Variants in ITIH2 observed in about 807,000 individuals in gnomAD.
ITIH2 encodes the protein inter-alpha-trypsin inhibitor heavy chain 2, also known as inter-alpha-trypsin inhibitor heavy chain H2.
A neutral mutation model predicts 104.4 loss-of-function variants in ITIH2; 103 were observed. That is an observed-to-expected ratio of 0.99 (90% CI 0.84 to 1.16). The LOEUF (loss-of-function observed/expected upper bound fraction) is 1.16, where lower values mean the gene tolerates loss of function less well. Among genes scored for constraint, ITIH2 ranks in the 50% most tolerant of loss-of-function variants. The probability of loss-of-function intolerance (pLI) is 0.00; values close to 1 mark genes in which losing one functional copy is unlikely to be tolerated. For synonymous variants in ITIH2, 436 were observed against 435.4 expected (o/e 1.00, Z -0.02); for missense variants, 1,108 against 1,162.4 (o/e 0.95, Z 0.68).
At chr10:7,713,866 C>T (rs762739916) in intron 5 of ITIH2, among the ~76,000 whole-genome samples, 3 of 151,804 alleles carry the variant, frequency 2.0e-5, no homozygotes, top group Non-Finnish European at 2.9e-5. Flanking sequence ...CCATGCCTGA[C>T]GAATTTTTTT....
chr10:7,718,830 G>T (rs1008795577), intron 6 of ITIH2, among the ~76,000 whole-genome samples: 8 of 152,128 alleles, frequency 5.3e-5, no homozygotes, highest in South Asian at 2.1e-4. Context: ...CTTGATGAAG[G>T]TTAAGTGGAT....
intron 17 of ITIH2, 79 bp from the exon 18 acceptor site, chr10:7,744,003 T>C: frequency 2.9e-6 from 3 of 1,039,512 alleles, no homozygotes; most frequent in East Asian, 2.7e-5. Context: ...GCCAAGTTTT[T>C]ATAAATTTGA....
chr10:7,749,263 A>G lies in ITIH2; in HGVS notation c.2770A>G (p.Lys924Glu), dbSNP rs368690735. The G allele has an allele frequency of 1.5e-5, 25 of 1,614,168 alleles. No individual in the cohort carries two copies. In the African/African-American group the frequency reaches 3.2e-4, roughly 21 times the overall value. ...CTGCTGGTTTGTGCACAACAGTGGA[A>G]AAGGATTCATTGACGGGCATTACAA... ...VTCWFVHNSG[K>E]GFIDGHYKDY... The change falls in exon 21 of 21, where the codon AAA (lysine) becomes GAA (glutamate). Residue 924 changes from lysine (K) to glutamate (E), a missense_variant. Physicochemically the swap from Lys to Glu is moderately conservative, Grantham distance 56. Coordinates refer to ENST00000358415, the MANE Select transcript of ITIH2 (RefSeq NM_002216.3).
intron 3 of ITIH2, among the ~76,000 whole-genome samples, 182 bp from the exon 4 acceptor site, chr10:7,708,840 C>T (rs566829525): frequency 2.7e-4 from 41 of 152,210 alleles, no homozygotes; most frequent in Admixed American, 1.4e-3. Flanking sequence ...CTGCTCATTG[C>T]GGGTTCCAAG....
At chr10:7,733,808 C>A (rs1414471774) in intron 14 of ITIH2, among the ~76,000 whole-genome samples, 2 of 152,002 alleles carry the variant, frequency 1.3e-5, no homozygotes, top group Non-Finnish European at 2.9e-5. Flanking sequence ...GGAACAGGGT[C>A]TAAATGAGGC....
At chr10:7,713,856 C>T (rs946020637) in intron 5 of ITIH2, among the ~76,000 whole-genome samples, 3 of 151,984 alleles carry the variant, frequency 2.0e-5, no homozygotes, top group African/African-American at 7.3e-5. Flanking sequence ...GGGTGCACCA[C>T]CATGCCTGAC....
intron 9 of ITIH2, among the ~76,000 whole-genome samples, chr10:7,725,684 T>C (rs1343734157): frequency 4.6e-5 from 7 of 152,204 alleles, no homozygotes; most frequent in Non-Finnish European, 7.3e-5. Flanking sequence ...CCCAGTTTGG[T>C]TTTGGATGCA....
intron 2 of ITIH2, among the ~76,000 whole-genome samples, chr10:7,705,834 C>T (rs570395363): frequency 1.3e-5 from 2 of 152,176 alleles, no homozygotes; most frequent in African/African-American, 2.4e-5. Flanking sequence ...GACAGACACT[C>T]CCCCTTGCAG....
chr10:7,749,361 T>C lies in ITIH2; in HGVS notation c.*27T>C, dbSNP rs1462849393. 1.9e-6 allele frequency: 3 copies of C among 1,572,672 alleles called. No individual in the cohort carries two copies. The highest frequency in any genetic ancestry group is 1.7e-6 in the Non-Finnish European group (2 of 1,146,004). ...GGTTTATAGTTTGGGAAATTATATA[T>C]ATTAATATACATCTTTCCCCTGTCA... On this transcript the variant is annotated 3_prime_UTR_variant, in exon 21 of 21. Coordinates refer to ENST00000358415, the MANE Select transcript of ITIH2 (RefSeq NM_002216.3).
At chr10:7,737,729 C>A (rs28756078) in intron 15 of ITIH2, among the ~76,000 whole-genome samples, 8,874 of 15,402 alleles carry the variant, frequency 0.58, 3,255 homozygotes, top group Non-Finnish European at 0.66. Flanking sequence ...ATATAATATT[C>A]TATATTATAT....
At position 7,729,994 on chromosome 10, in the gene ITIH2, A is replaced by C. The variant is rs765468750; in HGVS notation, c.1322A>C (p.Asn441Thr). ...AAAATTCAGAAAAACGTTAAGGAGAACATCCAAGACAATATCTCCTTGTTC... is the reference window on the plus strand; with the variant it reads ...AAAATTCAGAAAAACGTTAAGGAGACCATCCAAGACAATATCTCCTTGTTC... ...LSKIQKNVKE[N>T]IQDNISLFSL... Residue 441 changes from asparagine to threonine, a missense_variant, in exon 12 of 21, where the codon AAC becomes ACC. Physicochemically the swap from Asn to Thr is moderately conservative, Grantham distance 65. Transcript: ENST00000358415. 6.2e-7 allele frequency: 1 copy of C among 1,609,998 alleles called. No homozygotes were observed.
chr10:7,714,322 T>A (rs1247335061), intron 5 of ITIH2, among the ~76,000 whole-genome samples: 1 of 151,826 alleles, frequency 6.6e-6, no homozygotes, highest in African/African-American at 2.4e-5. Context: ...CAGGCACCCA[T>A]CACCATGCCC....
intron 10 of ITIH2, among the ~76,000 whole-genome samples, chr10:7,727,396 A>G (rs985221618): frequency 2.6e-5 from 4 of 152,246 alleles, no homozygotes; most frequent in Admixed American, 2.6e-4. Context: ...AAATGTTACT[A>G]TCTTCAGAGT....
Position 7,737,635 on chromosome 10 carries a change from TCTATAGA to T in ITIH2, c.1958-985_1958-979del, listed in dbSNP as rs1339859141. ...GAATATTCTATATTATATTCTATAT[TCTATAGA>T]ATATTCTATATTATATTCTATATTA... On this transcript the variant is annotated intron_variant, in intron 15 of 20. Transcript: ENST00000358415. Among the ~76,000 whole-genome samples the T allele has an allele frequency of 6.4e-4, 66 of 102,850 alleles. 6 individuals carry two copies. The highest frequency in any genetic ancestry group is 1.5e-3 in the African/African-American group (35 of 23,394). 67.5% of individuals were successfully genotyped at this position (102,850 alleles called of 152,430 possible).
intron 15 of ITIH2, among the ~76,000 whole-genome samples, chr10:7,737,539 A>T (rs1588459907): frequency 7.7e-6 from 1 of 129,710 alleles, no homozygotes; most frequent in Admixed American, 8.6e-5. Flanking sequence ...ATTCTATATA[A>T]TATATATTAT....
chr10:7,705,912 T>G (rs2131150890), intron 2 of ITIH2, among the ~76,000 whole-genome samples: 1 of 152,156 alleles, frequency 6.6e-6, no homozygotes, highest in South Asian at 2.1e-4. Context: ...CATTGGAAGT[T>G]GCAATCCTGG....
chr10:7,705,423 C>T (rs1045074134), intron 2 of ITIH2, among the ~76,000 whole-genome samples: 3 of 152,110 alleles, frequency 2.0e-5, no homozygotes, highest in South Asian at 2.1e-4. Context: ...AAAGAGTACA[C>T]GACTCAGCAC....
intron 14 of ITIH2, among the ~76,000 whole-genome samples, chr10:7,734,343 T>C (rs1334906007): frequency 1.3e-5 from 2 of 152,228 alleles, no homozygotes; most frequent in East Asian, 1.9e-4. Context: ...AAAATCTTGA[T>C]ACCTTCTGCA....
At position 7,732,399 on chromosome 10, in the gene ITIH2, C is replaced by T. The variant is rs150529114; in HGVS notation, c.1709C>T (p.Ser570Leu). ...ATGGACGACTTGCAGGATTTTCTAT[C>T]GAAAGACAAGCATGCAGATCCCGAT... The part of the protein sequence containing the change: ...AQMDDLQDFL[S>L]KDKHADPDFT... Residue 570 changes from serine to leucine, a missense_variant, in exon 14 of 21, where the codon TCG becomes TTG. Transcript: ENST00000358415. 22 of 1,613,874 alleles carry T rather than the reference C, an allele frequency of 1.4e-5. No homozygotes were observed. The highest frequency in any genetic ancestry group is 1.6e-4 in the Middle Eastern group (1 of 6,084).
Sources: gnomAD v4.1 joint callset for allele counts (sites outside exome capture counted in the v4.1 genomes callset) on GRCh38, gnomAD v4.1.1 for gene constraint, MANE v1.5 for transcripts, NCBI Gene and HGNC (gene_info 2026-07-23, HGNC 2026-07-21) for gene names.